The following GDF6 variants were observed in gnomAD, a reference collection of about 807,000 sequenced individuals.
GDF6 encodes the protein growth/differentiation factor 6.
In GDF6, 3 loss-of-function variants were observed where a neutral mutation model predicts 32.4. The ratio of observed to expected loss-of-function variants is 0.09; its 90% CI spans 0.04 to 0.24. The LOEUF (loss-of-function observed/expected upper bound fraction) is 0.24. Ranked by LOEUF, GDF6 falls within the 10% of genes least tolerant of loss-of-function variation. The pLI, the probability that GDF6 is intolerant of heterozygous loss-of-function variation, is 1.00. For missense variants in GDF6, 589 were observed against 637.9 expected (o/e 0.92, Z 0.83); for synonymous variants, 296 against 295.3 (o/e 1.00, Z -0.03).
rs996394047 is a variant in GDF6 at position 96,160,188 on chromosome 8, A to G, written c.406+99T>C. The G allele has an allele frequency of 5.1e-6, 6 of 1,181,910 alleles. No individual in the cohort carries two copies. The Admixed American group carries it at 8.4e-5, about 17-fold the overall frequency. The allele number at this position is 1,181,910 out of a possible 1,614,324, so 73.2% of individuals were successfully genotyped here. A position where few individuals can be genotyped will look rare whatever the true frequency, so the allele number is the denominator to read the frequency against. Reference sequence around the variant, plus strand: ...AGAAAAGTAAAAAGGAAGTGTCCAGAGCAGGAAGGGAATTCACAAATGTAG... The same window carrying G: ...AGAAAAGTAAAAAGGAAGTGTCCAGGGCAGGAAGGGAATTCACAAATGTAG... On this transcript the variant is annotated intron_variant, in intron 1 of 1. Transcript: ENST00000287020.
At chr8:96,154,661 C>T (rs938611300) in intron 1 of GDF6, among the ~76,000 whole-genome samples, 1 of 152,130 alleles carries the variant, frequency 6.6e-6, no homozygotes, top group Admixed American at 6.5e-5. Context: ...GAGGGGTTAT[C>T]GAACTAATGG....
At chr8:96,151,451 C>G (rs1812567616) in intron 1 of GDF6, among the ~76,000 whole-genome samples, 1 of 152,308 alleles carries the variant, frequency 6.6e-6, no homozygotes, top group South Asian at 2.1e-4. Flanking sequence ...GTAGAGTGGG[C>G]AATCTGGCTC....
At chr8:96,159,434 T>C (rs565454352) in intron 1 of GDF6, among the ~76,000 whole-genome samples, 1 of 152,120 alleles carries the variant, frequency 6.6e-6, no homozygotes, top group Non-Finnish European at 1.5e-5. Context: ...CACCCACACA[T>C]GCAGGCGTTC....
intron 1 of GDF6, among the ~76,000 whole-genome samples, chr8:96,154,322 C>T (rs916628373): frequency 1.3e-5 from 2 of 152,186 alleles, no homozygotes; most frequent in Non-Finnish European, 2.9e-5. Flanking sequence ...GCCGCCCGCC[C>T]CTTCCAAGCT....
rs1044969423 is a variant in GDF6 at position 96,143,037 on chromosome 8, G to C, written c.*1526C>G. 2.0e-5 allele frequency: 3 copies of C among 152,198 alleles called. No homozygotes were observed. The highest frequency in any genetic ancestry group is 2.9e-5 in the Non-Finnish European group (2 of 68,050). 9.4% of individuals were successfully genotyped at this position (152,198 alleles called of 1,614,324 possible). On this transcript the variant is annotated 3_prime_UTR_variant, in exon 2 of 2. Transcript: ENST00000287020. ...AATGTTTGAAAACAATACTGGTGCA[G>C]GCTGGGGGAAAGTTCATGTTTTTGA...
At chr8:96,148,908 T>C (rs1201714071) in intron 1 of GDF6, among the ~76,000 whole-genome samples, 1 of 152,180 alleles carries the variant, frequency 6.6e-6, no homozygotes, top group African/African-American at 2.4e-5. Context: ...GCAGACCACA[T>C]TCCCTACCTG....
At chr8:96,159,161 A>G (rs1258364369) in intron 1 of GDF6, among the ~76,000 whole-genome samples, 1 of 152,186 alleles carries the variant, frequency 6.6e-6, no homozygotes, top group Non-Finnish European at 1.5e-5. Flanking sequence ...TCTAGGGAGG[A>G]TGGAGGAGTG....
At chr8:96,151,684 A>G (rs1812571343) in intron 1 of GDF6, among the ~76,000 whole-genome samples, 2 of 152,242 alleles carry the variant, frequency 1.3e-5, no homozygotes, top group Admixed American at 6.5e-5. Context: ...TAACAGGGCC[A>G]CAGAGGGGTG....
At chr8:96,149,648 A>C (rs988334375) in intron 1 of GDF6, among the ~76,000 whole-genome samples, 4 of 152,192 alleles carry the variant, frequency 2.6e-5, no homozygotes, top group African/African-American at 9.7e-5. Context: ...TATAAGGTAA[A>C]AAATAAAATT....
chr8:96,160,519 A>C lies in GDF6; in HGVS notation c.174T>G (p.Ser58Arg), dbSNP rs1338291395. 1 of 1,613,196 alleles carries C rather than the reference A, an allele frequency of 6.2e-7. No individual in the cohort carries two copies. The highest frequency in any genetic ancestry group is 8.5e-7 in the Non-Finnish European group (1 of 1,179,594). ...GTTCCTGGCCCTCCCGGCCCGCGTCACTGTCGCGCGGCGCCCGCTGCATCT... is the reference window on the plus strand; with the variant it reads ...GTTCCTGGCCCTCCCGGCCCGCGTCCCTGTCGCGCGGCGCCCGCTGCATCT... The part of the protein sequence containing the change: ...EGKMQRAPRD[S>R]DAGREGQEPQ... Residue 58 changes from serine (S) to arginine (R), a missense_variant, in exon 1 of 2, where the codon AGT (serine) becomes AGG (arginine). This residue lies in a region of GDF6 where 436 missense variants were observed against 411.2 expected (regional missense o/e 1.06). Coordinates refer to ENST00000287020, the MANE Select transcript of GDF6 (RefSeq NM_001001557.4).
intron 1 of GDF6, among the ~76,000 whole-genome samples, chr8:96,147,585 T>C (rs1233011575): frequency 6.6e-6 from 1 of 152,262 alleles, no homozygotes; most frequent in African/African-American, 2.4e-5. Context: ...TAATTACTTG[T>C]ATTATTCCCA....
At chr8:96,149,092 T>C (rs540312819) in intron 1 of GDF6, among the ~76,000 whole-genome samples, 1 of 152,150 alleles carries the variant, frequency 6.6e-6, no homozygotes, top group Non-Finnish European at 1.5e-5. Context: ...CCCTTCATAC[T>C]CCGTTCCAAA....
At chr8:96,149,286 G>T (rs532762570) in intron 1 of GDF6, among the ~76,000 whole-genome samples, 48 of 152,330 alleles carry the variant, frequency 3.2e-4, no homozygotes, top group African/African-American at 1.0e-3. Flanking sequence ...AATACATGGT[G>T]GGAGTTTTTT....
intron 1 of GDF6, among the ~76,000 whole-genome samples, chr8:96,151,688 A>G (rs1812571397): frequency 1.3e-5 from 2 of 152,210 alleles, no homozygotes; most frequent in African/African-American, 4.8e-5. Context: ...AGGGCCACAG[A>G]GGGGTGCAAA....
At chr8:96,151,626 A>G (rs1418704342) in intron 1 of GDF6, among the ~76,000 whole-genome samples, 1 of 152,214 alleles carries the variant, frequency 6.6e-6, no homozygotes, top group Non-Finnish European at 1.5e-5. Flanking sequence ...ACTTCAGCAG[A>G]AGAAATGTCG....
chr8:96,160,216 T>G (rs555816965), intron 1 of GDF6, 71 bp downstream of exon 1: 11 of 1,474,714 alleles, frequency 7.5e-6, no homozygotes, highest in Non-Finnish European at 1.0e-5. Flanking sequence ...AAATGTAGCC[T>G]CCAGCGGGAA....
intron 1 of GDF6, among the ~76,000 whole-genome samples, chr8:96,158,998 G>C (rs973796411): frequency 6.6e-6 from 1 of 151,754 alleles, no homozygotes; most frequent in African/African-American, 2.4e-5. Context: ...GCTGGGGGCG[G>C]GGGGGCCGTT....
chr8:96,159,085 C>T (rs914684545), intron 1 of GDF6, among the ~76,000 whole-genome samples: 16 of 152,122 alleles, frequency 1.1e-4, no homozygotes, highest in Admixed American at 5.2e-4. Flanking sequence ...AATCCCGAAC[C>T]CCAGCGCTGC....
intron 1 of GDF6, among the ~76,000 whole-genome samples, chr8:96,149,994 T>C (rs962028306): frequency 5.3e-5 from 8 of 152,166 alleles, no homozygotes; most frequent in African/African-American, 1.9e-4. Flanking sequence ...GGCTAGCCTG[T>C]AGAGGGTTTC....
Sources: gnomAD v4.1 joint callset for allele counts (sites outside exome capture counted in the v4.1 genomes callset) on GRCh38, gnomAD v4.1.1 for gene constraint, gnomAD v4.1.1 regional missense constraint, MANE v1.5 for transcripts, NCBI Gene and HGNC (gene_info 2026-07-23, HGNC 2026-07-21) for gene names.